The following ANKRD40 variants were observed in gnomAD, a reference collection of about 807,000 sequenced individuals.
ANKRD40 encodes the protein ankyrin repeat domain 40.
ANKRD40 carries 24 observed loss-of-function variants against 35.5 expected under a neutral mutation model. The observed-to-expected ratio is 0.68, with a 90% CI of 0.49 to 0.95. The LOEUF (loss-of-function observed/expected upper bound fraction) is 0.95, where lower values mean the gene tolerates loss of function less well. Among genes scored for constraint, ANKRD40 ranks in the 40% least tolerant of loss-of-function variants. ANKRD40 has a pLI of 0.00. For synonymous variants in ANKRD40, 147 were observed against 173.5 expected, an observed-to-expected ratio of 0.85 and a Z score of 1.20; for missense variants, 361 against 436.0, an observed-to-expected ratio of 0.83 and a Z score of 1.53.
At chr17:50,702,399 CAA>C (rs201226718) in intron 1 of ANKRD40, among the ~76,000 whole-genome samples, 1 of 140,322 alleles carries the variant, frequency 7.1e-6, no homozygotes, top group Non-Finnish European at 1.6e-5. Context: ...GACTCCATCT[CAA>C]AAAAAAAAAA....
At chr17:50,696,796 G>T in intron 4 of ANKRD40, 144 bp downstream of exon 4, 42 of 690,224 alleles carry the variant, frequency 6.1e-5, no homozygotes, top group Non-Finnish European at 8.5e-5. Flanking sequence ...AGACTCAGTA[G>T]AAGGAAATGA....
chr17:50,704,515 CA>C (rs892783050), intron 1 of ANKRD40, among the ~76,000 whole-genome samples: 1,349 of 40,224 alleles, frequency 0.034, 5 homozygotes, highest in East Asian at 0.065. Context: ...AACTCCATCT[CA>C]AAAAAAAAAA....
chr17:50,698,146 A>C (rs1367418017), intron 3 of ANKRD40, among the ~76,000 whole-genome samples: 1 of 151,830 alleles, frequency 6.6e-6, no homozygotes, highest in African/African-American at 2.4e-5. Flanking sequence ...TGTGCCCTAA[A>C]TACCATTCTC....
At chr17:50,701,405 C>G (rs992210516) in intron 1 of ANKRD40, among the ~76,000 whole-genome samples, 1 of 152,174 alleles carries the variant, frequency 6.6e-6, no homozygotes, top group African/African-American at 2.4e-5. Flanking sequence ...AAAAAATATA[C>G]ATCAACAACC....
In ANKRD40 at chr17:50,703,169, G is replaced by T. The variant is rs187613304; in HGVS notation, c.135-2453C>A. ...CAAATGCAAGAGAGTACGTTTTTTT[G>T]AGGGTAACCTTATATTCCATTATCT... On this transcript the variant is annotated intron_variant, in intron 1 of 4. Transcript: ENST00000285243. 4.8e-3 allele frequency among the ~76,000 whole-genome samples: 726 copies of T among 152,256 alleles called. 5 individuals carry two copies. Among genetic ancestry groups the T allele is most frequent in the Non-Finnish European group, 8.8e-3 (599 of 68,008 alleles).
At chr17:50,697,208 CT>C in intron 3 of ANKRD40, 87 bp from the exon 4 acceptor site, 1 of 1,261,602 alleles carries the variant, frequency 7.9e-7, no homozygotes, top group Non-Finnish European at 1.1e-6. Flanking sequence ...GATGGTTATA[CT>C]TAATCATGCC....
In ANKRD40 at chr17:50,699,414, G is replaced by A; in HGVS notation, c.763C>T (p.Pro255Ser). The part of the protein sequence containing the change: ...FQPFFFTGAF[P>S]FNMQELVLKV... The stretch of plus-strand genomic sequence containing the variant: ...GAGGGGTTACCTTGCATATTAAATG[G>A]AAATGCTCCAGTGAAGAAAAATGGC... The change falls in exon 3 of 5, where the codon CCA becomes TCA. Residue 255 changes from proline (P) to serine (S), a missense_variant. Physicochemically the swap from Pro to Ser is moderately conservative, Grantham distance 74. Around this residue, in one of 5 missense-constraint regions of ANKRD40, gnomAD observed 93 missense variants for 129.6 expected, o/e 0.72. Coordinates refer to ENST00000285243, the MANE Select transcript of ANKRD40 (RefSeq NM_052855.4). 1.2e-6 allele frequency: 2 copies of A among 1,613,858 alleles called. No homozygotes were observed. The highest frequency in any genetic ancestry group is 1.7e-6 in the Non-Finnish European group (2 of 1,179,790).
chr17:50,694,136 A>AAAAAAAAAAAAAAAAAAAAAAAG lies in ANKRD40; in HGVS notation c.*1860_*1861insCTTTTTTTTTTTTTTTTTTTTTT, dbSNP rs1460022756. 6.6e-6 allele frequency: 1 copy of AAAAAAAAAAAAAAAAAAAAAAAG among 150,528 alleles called. No individual in the cohort carries two copies. Among genetic ancestry groups the AAAAAAAAAAAAAAAAAAAAAAAG allele is most frequent in the Admixed American group, 6.6e-5 (1 of 15,078 alleles). The allele number at this position is 150,528 out of a possible 1,614,324, so 9.3% of individuals were successfully genotyped here. A position where few individuals can be genotyped will look rare whatever the true frequency, so the allele number is the denominator to read the frequency against. On this transcript the variant is annotated 3_prime_UTR_variant, in exon 5 of 5. Coordinates refer to ENST00000285243, the MANE Select transcript of ANKRD40 (RefSeq NM_052855.4). ...CAAAGCAAGACTCCGTCTCAAAAAA[A>AAAAAAAAAAAAAAAAAAAAAAAG]AAAAGAAAAGAAACACCAGGGAGGT... is the stretch of plus-strand genomic sequence containing the variant.
chr17:50,698,578 G>A lies in ANKRD40; in HGVS notation c.778+821C>T, dbSNP rs79524835. ...TAAAGGGTAAAGATTCCAGATTAAA[G>A]GAAACTAAAACAACGTGATAACTAC... On this transcript the variant is annotated intron_variant, in intron 3 of 4. Transcript: ENST00000285243. 9.2e-3 allele frequency among the ~76,000 whole-genome samples: 1,405 copies of A among 152,192 alleles called. 33 individuals are homozygous for A. Among genetic ancestry groups the A allele is most frequent in the Admixed American group, 0.049 (748 of 15,292 alleles).
Position 50,699,855 on chromosome 17 carries a change from G to A in ANKRD40, c.322C>T (p.Leu108Phe). 1 of 1,516,976 alleles carries A rather than the reference G, an allele frequency of 6.6e-7. No homozygotes were observed. Among genetic ancestry groups the A allele is most frequent in the East Asian group, 2.3e-5 (1 of 43,962 alleles). The allele number at this position is 1,516,976 out of a possible 1,614,324, so 94.0% of individuals were successfully genotyped here. The change falls in exon 3 of 5, where the codon CTC becomes TTC. Residue 108 changes from leucine (L) to phenylalanine (F), a missense_variant. Leu to Phe is a conservative substitution (Grantham distance 22, BLOSUM62 0). Coordinates refer to ENST00000285243, the MANE Select transcript of ANKRD40 (RefSeq NM_052855.4). ...EDDDDDDDDN[L>F]PQLKKESELP... ...TCTGACTCCTTCTTCAGCTGGGGGA[G>A]GTTGTCATCATCATCATCATCATCA...
Position 50,695,751 on chromosome 17 carries a change from C to G in ANKRD40, c.*246G>C, listed in dbSNP as rs1968192996. 2 of 404,700 alleles carry G rather than the reference C, an allele frequency of 4.9e-6. No individual in the cohort carries two copies. 25.1% of individuals were successfully genotyped at this position (404,700 alleles called of 1,614,324 possible). On this transcript the variant is annotated 3_prime_UTR_variant, in exon 5 of 5. Coordinates refer to ENST00000285243, the MANE Select transcript of ANKRD40 (RefSeq NM_052855.4). ...TATAGAACCTTCAGCTTCTGCCTCT[C>G]CAGACCACTTCTCAGCTGTTCAAAG...
rs1211621254 is a variant in ANKRD40, at chr17:50,707,625, C to A, written c.30G>T (p.Gln10His). Residue 10 changes from glutamine to histidine, a missense_variant, in exon 1 of 5, where the codon CAG becomes CAT. Gln to His is a conservative substitution (Grantham distance 24). This residue lies in a region of ANKRD40 where 56 missense variants were observed against 47.1 expected (regional missense o/e 1.19). Coordinates refer to ENST00000285243, the MANE Select transcript of ANKRD40 (RefSeq NM_052855.4). The surrounding 1 kb of genome is among the most constrained non-coding windows in gnomAD (Gnocchi z 4.8). MNALLEQKEQQERLREAAAL... is the reference protein window; with the variant it reads MNALLEQKEHQERLREAAAL... ...CCGCGGCCTCCCGCAGCCTCTCCTGCTGCTCCTTCTGCTCTAGGAGGGCGT... is the reference window on the plus strand; with the variant it reads ...CCGCGGCCTCCCGCAGCCTCTCCTGATGCTCCTTCTGCTCTAGGAGGGCGT... The A allele has an allele frequency of 1.3e-6, 2 of 1,596,694 alleles. No homozygotes were observed. Among genetic ancestry groups the A allele is most frequent in the South Asian group, 2.2e-5 (2 of 89,892 alleles).
intron 1 of ANKRD40, 33 bp from the exon 2 acceptor site, chr17:50,700,749 G>A (rs1234526566): frequency 5.7e-6 from 9 of 1,579,168 alleles, no homozygotes; most frequent in African/African-American, 1.4e-5. Flanking sequence ...TGAAAAAGAG[G>A]AGAAGTGATT....
intron 1 of ANKRD40, 119 bp from the exon 2 acceptor site, chr17:50,700,835 G>A (rs1968264396): frequency 6.7e-6 from 6 of 896,502 alleles, no homozygotes; most frequent in East Asian, 2.8e-5. Flanking sequence ...CCAGGTAACC[G>A]GGCTGGTAAT....
At chr17:50,704,457 A>T (rs1380160379) in intron 1 of ANKRD40, among the ~76,000 whole-genome samples, 1 of 145,314 alleles carries the variant, frequency 6.9e-6, no homozygotes, top group East Asian at 2.1e-4. Flanking sequence ...TGGAGGATGC[A>T]GTGAGCTGAG....
chr17:50,701,768 A>C (rs1391326328), intron 1 of ANKRD40, among the ~76,000 whole-genome samples: 1 of 152,224 alleles, frequency 6.6e-6, no homozygotes, highest in South Asian at 2.1e-4. Context: ...ACAAATGTTC[A>C]ATATTGAAGG....
intron 1 of ANKRD40, among the ~76,000 whole-genome samples, chr17:50,706,294 G>T (rs1416030955): frequency 6.6e-6 from 1 of 151,224 alleles, no homozygotes. Context: ...GCTAATTTTT[G>T]TATTTTTAGT....
At chr17:50,705,929 G>A (rs547881405) in intron 1 of ANKRD40, among the ~76,000 whole-genome samples, 5 of 149,610 alleles carry the variant, frequency 3.3e-5, no homozygotes, top group African/African-American at 1.2e-4. Context: ...AAAGTGCTGA[G>A]ATTACAGGCG....
chr17:50,693,746 GACTTA>G lies in ANKRD40; in HGVS notation c.*2246_*2250del, dbSNP rs1423906812. 4 of 152,286 alleles carry G rather than the reference GACTTA, an allele frequency of 2.6e-5. No homozygotes were observed. The highest frequency in any genetic ancestry group is 9.6e-5 in the African/African-American group (4 of 41,552). The allele number at this position is 152,286 out of a possible 1,614,324, so 9.4% of individuals were successfully genotyped here. ...ATTTATTTCCTCTAGGACAGAACCA[GACTTA>G]ACTTTATTAGTAAACTGTAACTGTT... On this transcript the variant is annotated 3_prime_UTR_variant, in exon 5 of 5. Transcript: ENST00000285243.
Sources: gnomAD v4.1 joint callset for allele counts (sites outside exome capture counted in the v4.1 genomes callset) on GRCh38, gnomAD v4.1.1 for gene constraint, gnomAD v4.1.1 regional missense constraint, Gnocchi (gnomAD v3.1) non-coding constraint, MANE v1.5 for transcripts, NCBI Gene and HGNC (gene_info 2026-07-23, HGNC 2026-07-21) for gene names.